The following DPP10 variants were observed in gnomAD, a reference collection of about 807,000 sequenced individuals.
The protein encoded by DPP10 is dipeptidyl peptidase like 10.
In DPP10, 33 loss-of-function variants were observed where a neutral mutation model predicts 120.9. The observed-to-expected ratio is 0.27, with a 90% confidence interval of 0.21 to 0.37. The LOEUF (loss-of-function observed/expected upper bound fraction) is 0.37, where lower values mean the gene tolerates loss of function less well. DPP10 is among the 10% of genes least tolerant of loss of function. DPP10 has a pLI of 1.00. For missense variants in DPP10, 816 were observed against 942.8 expected, an observed-to-expected ratio of 0.87 and a Z score of 1.76; for synonymous variants, 337 against 326.1, an observed-to-expected ratio of 1.03 and a Z score of -0.36.
At chr2:115,338,812 G>T (rs2063298697) in intron 2 of DPP10, among the ~76,000 whole-genome samples, 1 of 152,088 alleles carries the variant, frequency 6.6e-6, no homozygotes, top group African/African-American at 2.4e-5. Context: ...TCAAAATAGA[G>T]CAGGGAGGAA....
intron 1 of DPP10, among the ~76,000 whole-genome samples, chr2:114,545,512 C>A (rs1015128915): frequency 6.6e-6 from 1 of 152,164 alleles, no homozygotes; most frequent in Non-Finnish European, 1.5e-5. Flanking sequence ...GATCAACATA[C>A]AATGTCTTTC....
At chr2:115,481,624 A>T (rs2075434304) in intron 3 of DPP10, among the ~76,000 whole-genome samples, 1 of 152,040 alleles carries the variant, frequency 6.6e-6, no homozygotes. Flanking sequence ...AACATTTTGG[A>T]GCCAATTATT....
intron 1 of DPP10, among the ~76,000 whole-genome samples, chr2:115,214,460 A>G (rs2056695965): frequency 6.6e-6 from 1 of 152,140 alleles, no homozygotes; most frequent in Non-Finnish European, 1.5e-5. Context: ...AATTATCTGT[A>G]TCAACCGAGG....
intron 1 of DPP10, among the ~76,000 whole-genome samples, chr2:115,016,467 C>G (rs1474481459): frequency 3.9e-5 from 6 of 152,160 alleles, no homozygotes; most frequent in Non-Finnish European, 8.8e-5. Flanking sequence ...GACAAAAACA[C>G]CAAAAGCAAT....
At chr2:114,981,179 T>G (rs957788392) in intron 1 of DPP10, among the ~76,000 whole-genome samples, 7 of 152,158 alleles carry the variant, frequency 4.6e-5, no homozygotes, top group Admixed American at 1.3e-4. Flanking sequence ...GAATAAGTCC[T>G]GAAAAGACTT....
intron 1 of DPP10, among the ~76,000 whole-genome samples, chr2:114,782,581 G>A (rs1682432257): frequency 6.6e-6 from 1 of 151,956 alleles, no homozygotes; most frequent in Non-Finnish European, 1.5e-5. Flanking sequence ...GAAAGTTAAA[G>A]GGTCAATTGA....
intron 2 of DPP10, among the ~76,000 whole-genome samples, chr2:115,327,303 C>A (rs1488448168): frequency 1.3e-5 from 2 of 151,958 alleles, no homozygotes; most frequent in African/African-American, 4.8e-5. Context: ...TGCCTAATAG[C>A]ACATTCCTCA....
intron 5 of DPP10, among the ~76,000 whole-genome samples, chr2:115,669,531 G>C (rs1435897578): frequency 2.0e-5 from 3 of 152,106 alleles, no homozygotes; most frequent in Non-Finnish European, 4.4e-5. Flanking sequence ...GGTAGTTCTA[G>C]CTCCCATTGT....
intron 1 of DPP10, among the ~76,000 whole-genome samples, chr2:114,721,881 T>A (rs1235436436): frequency 2.6e-5 from 4 of 152,194 alleles, no homozygotes; most frequent in African/African-American, 9.7e-5. Context: ...ATCTGCCACT[T>A]CCTATCTGGG....
chr2:115,759,775 C>G (rs561294940), intron 11 of DPP10, among the ~76,000 whole-genome samples: 1 of 152,010 alleles, frequency 6.6e-6, no homozygotes, highest in African/African-American at 2.4e-5. Context: ...CTTTGGGAGG[C>G]GGAGGCGGGC....
At chr2:115,375,986 A>G (rs964003928) in intron 3 of DPP10, among the ~76,000 whole-genome samples, 24 of 152,324 alleles carry the variant, frequency 1.6e-4, no homozygotes, top group Non-Finnish European at 1.2e-4. Context: ...TGCTTGGTAT[A>G]AGAATATTCA....
chr2:114,477,621 A>G (rs1680534451), intron 1 of DPP10, among the ~76,000 whole-genome samples: 2 of 151,384 alleles, frequency 1.3e-5, no homozygotes, highest in African/African-American at 4.8e-5. Context: ...CCATGCCTCT[A>G]CTAAAAATAC....
intron 1 of DPP10, among the ~76,000 whole-genome samples, chr2:115,269,100 C>A (rs1180570662): frequency 6.6e-6 from 1 of 152,106 alleles, no homozygotes; most frequent in East Asian, 1.9e-4. Flanking sequence ...TGAGCGGAGA[C>A]CACGCCATTG....
chr2:115,331,850 T>A (rs1055747695), intron 2 of DPP10, among the ~76,000 whole-genome samples: 1 of 152,170 alleles, frequency 6.6e-6, no homozygotes, highest in African/African-American at 2.4e-5. Flanking sequence ...GATTTTTGCA[T>A]CAATGTTCAT....
At chr2:114,959,797 G>T (rs1297659565) in intron 1 of DPP10, among the ~76,000 whole-genome samples, 1 of 152,128 alleles carries the variant, frequency 6.6e-6, no homozygotes, top group Non-Finnish European at 1.5e-5. Context: ...TATGGTTTTG[G>T]TTCGCAGTTT....
intron 1 of DPP10, among the ~76,000 whole-genome samples, chr2:114,457,151 C>T (rs1286951083): frequency 1.3e-5 from 2 of 152,182 alleles, no homozygotes; most frequent in African/African-American, 2.4e-5. Context: ...ACAGATCCTG[C>T]GTCTGTTGTA....
At chr2:115,601,733 G>A (rs1178262728) in intron 5 of DPP10, among the ~76,000 whole-genome samples, 1 of 152,108 alleles carries the variant, frequency 6.6e-6, no homozygotes, top group Non-Finnish European at 1.5e-5. Flanking sequence ...GAGTGCAGTG[G>A]CACGACCTCA....
intron 1 of DPP10, among the ~76,000 whole-genome samples, chr2:114,943,953 GA>G (rs1254019877): frequency 6.6e-6 from 1 of 152,146 alleles, no homozygotes; most frequent in East Asian, 1.9e-4. Flanking sequence ...TTCAACATAA[GA>G]TGTTATGGCT....
At chr2:115,306,056 T>A (rs1370396186) in intron 1 of DPP10, among the ~76,000 whole-genome samples, 2 of 152,062 alleles carry the variant, frequency 1.3e-5, no homozygotes, top group African/African-American at 4.8e-5. Flanking sequence ...TTCCAACATT[T>A]AAAAATAATT....
Sources: gnomAD v4.1 joint callset for allele counts (sites outside exome capture counted in the v4.1 genomes callset) on GRCh38, gnomAD v4.1.1 for gene constraint, MANE v1.5 for transcripts, NCBI Gene and HGNC (gene_info 2026-07-23, HGNC 2026-07-21) for gene names.